Variants in RBFOX1 observed in about 807,000 individuals in gnomAD.
The protein encoded by RBFOX1 is RNA binding fox-1 homolog 1.
Under a neutral mutation model 57.7 loss-of-function variants are expected in RBFOX1, and 8 were observed. The ratio of observed to expected loss-of-function variants is 0.14; its 90% confidence interval spans 0.08 to 0.25. The LOEUF (loss-of-function observed/expected upper bound fraction) is 0.25. Among genes scored for constraint, RBFOX1 ranks in the 10% least tolerant of loss-of-function variants. The pLI is 1.00. For synonymous variants in RBFOX1, 326 were observed against 222.4 expected, an observed-to-expected ratio of 1.47 and a Z score of -4.15; for missense variants, 611 against 548.5, an observed-to-expected ratio of 1.11 and a Z score of -1.14.
At chr16:6,723,021 A>T (rs17730813) in intron 3 of RBFOX1, among the ~76,000 whole-genome samples, 1 of 152,014 alleles carries the variant, frequency 6.6e-6, no homozygotes, top group African/African-American at 2.4e-5. Flanking sequence ...CCCATCAGAG[A>T]TAAGTGGAAA....
At chr16:6,234,167 T>A (rs1296139597) in intron 1 of RBFOX1, among the ~76,000 whole-genome samples, 9 of 152,186 alleles carry the variant, frequency 5.9e-5, no homozygotes, top group Admixed American at 3.9e-4. Flanking sequence ...CTTTTCACCA[T>A]CACAGTGGCA....
At chr16:5,848,855 A>C (rs574898432) in intron 3 of RBFOX1, among the ~76,000 whole-genome samples, 1 of 152,174 alleles carries the variant, frequency 6.6e-6, no homozygotes, top group South Asian at 2.1e-4. Flanking sequence ...AGGCTGAGGC[A>C]GGAGAATCAC....
At chr16:5,281,113 T>C (rs1472534882) in intron 1 of RBFOX1, among the ~76,000 whole-genome samples, 2 of 152,156 alleles carry the variant, frequency 1.3e-5, no homozygotes, top group African/African-American at 4.8e-5. Flanking sequence ...CTGTGTGCCA[T>C]AGGTTTTGCA....
chr16:6,764,364 C>G (rs1332343713), intron 3 of RBFOX1, among the ~76,000 whole-genome samples: 1 of 152,126 alleles, frequency 6.6e-6, no homozygotes, highest in Non-Finnish European at 1.5e-5. Flanking sequence ...TATTTTCAGT[C>G]CTTATGGTAG....
chr16:6,132,903 C>A (rs144489560), intron 1 of RBFOX1, among the ~76,000 whole-genome samples: 1 of 149,108 alleles, frequency 6.7e-6, no homozygotes, highest in African/African-American at 2.5e-5. Flanking sequence ...AGGCAGAGGT[C>A]GCAGTGAGCC....
chr16:6,537,456 TAGAC>T (rs1274864071), intron 2 of RBFOX1, among the ~76,000 whole-genome samples: 2 of 152,200 alleles, frequency 1.3e-5, no homozygotes, highest in African/African-American at 4.8e-5. Flanking sequence ...ACAGTATAGA[TAGAC>T]ACAGTGCTTA....
chr16:7,423,174 A>G (rs914226974), intron 4 of RBFOX1: 1 of 152,046 alleles, frequency 6.6e-6, no homozygotes, highest in Non-Finnish European at 1.5e-5. Context: ...GCTGTATTTT[A>G]ATCATAGACT....
chr16:5,622,914 A>G (rs561922477), intron 3 of RBFOX1, among the ~76,000 whole-genome samples: 27 of 152,072 alleles, frequency 1.8e-4, no homozygotes, highest in African/African-American at 5.8e-4. Flanking sequence ...CAGTATAACA[A>G]CTCTTTACAT....
chr16:5,619,252 G>C (rs1182569432), intron 3 of RBFOX1, among the ~76,000 whole-genome samples: 1 of 152,112 alleles, frequency 6.6e-6, no homozygotes, highest in East Asian at 1.9e-4. Context: ...TGACAGACAG[G>C]CCTCCCGGGC....
rs181326705 is a variant in RBFOX1 at position 6,670,843 on chromosome 16, A to G, written c.-16+16193A>G. Among the ~76,000 whole-genome samples, 824 of 151,640 alleles carry G rather than the reference A, an allele frequency of 5.4e-3. 3 individuals carry two copies. Among genetic ancestry groups the G allele is most frequent in the Non-Finnish European group, 7.7e-3 (523 of 67,860 alleles). ...AAACCCTGTCTCTACTAAAAATGCA[A>G]AAAAAAATTAGCCGGGCATGGTGGC... is the stretch of plus-strand genomic sequence containing the variant. On this transcript the variant is annotated intron_variant, in intron 3 of 15. Transcript: ENST00000550418.
At chr16:7,640,442 A>T (rs2062585157) in intron 11 of RBFOX1, among the ~76,000 whole-genome samples, 1 of 152,224 alleles carries the variant, frequency 6.6e-6, no homozygotes, top group African/African-American at 2.4e-5. Context: ...CTACCATCCC[A>T]TGGTGTGCCC....
intron 3 of RBFOX1, among the ~76,000 whole-genome samples, chr16:6,826,050 G>T (rs1370146831): frequency 6.6e-6 from 1 of 151,946 alleles, no homozygotes; most frequent in Non-Finnish European, 1.5e-5. Flanking sequence ...GGTGGTCCAC[G>T]TTCATTGCCC....
At chr16:6,208,535 C>G (rs1333126487) in intron 1 of RBFOX1, among the ~76,000 whole-genome samples, 1 of 152,156 alleles carries the variant, frequency 6.6e-6, no homozygotes, top group African/African-American at 2.4e-5. Flanking sequence ...AACAGGGACT[C>G]TTACAGACAC....
Position 6,816,882 on chromosome 16 carries a change from C to G in RBFOX1, c.-16+162232C>G, listed in dbSNP as rs182565446. On this transcript the variant is annotated intron_variant, in intron 3 of 15. Coordinates refer to ENST00000550418, the MANE Select transcript of RBFOX1 (RefSeq NM_018723.4). ...ACTTCACCCTCCCAAGTAGTTGGGA[C>G]TAAAGGTAAATACCACCATGCCTAG... Among the ~76,000 whole-genome samples, 8 of 152,180 alleles carry G rather than the reference C, an allele frequency of 5.3e-5. No individual in the cohort carries two copies. The East Asian group carries it at 1.5e-3, about 29-fold the overall frequency.
intron 4 of RBFOX1, among the ~76,000 whole-genome samples, chr16:5,938,986 C>T (rs556952691): frequency 1.2e-4 from 18 of 152,178 alleles, no homozygotes; most frequent in East Asian, 1.9e-4. Flanking sequence ...AGCAAACTAT[C>T]GCAAGGACAA....
chr16:7,646,048 C>T (rs1022696732), intron 11 of RBFOX1, among the ~76,000 whole-genome samples: 8 of 151,330 alleles, frequency 5.3e-5, no homozygotes, highest in African/African-American at 9.8e-5. Flanking sequence ...TTAATAAGTG[C>T]CATCATGTTA....
At chr16:6,816,728 A>C (rs999652451) in intron 3 of RBFOX1, among the ~76,000 whole-genome samples, 3 of 104,038 alleles carry the variant, frequency 2.9e-5, no homozygotes, top group Non-Finnish European at 6.6e-5. Context: ...TGACAGAGCA[A>C]GACTGTCTCA....
intron 3 of RBFOX1, among the ~76,000 whole-genome samples, chr16:5,656,894 G>A (rs186486844): frequency 9.5e-4 from 145 of 152,242 alleles, no homozygotes; most frequent in Admixed American, 8.8e-3. Context: ...AGAAAATATG[G>A]ACACAGGGAG....
intron 1 of RBFOX1, among the ~76,000 whole-genome samples, chr16:6,261,381 C>T (rs8045543): frequency 2.0e-5 from 3 of 152,198 alleles, no homozygotes; most frequent in African/African-American, 7.2e-5. Flanking sequence ...CAAAATAGTA[C>T]GTCAAAGCAA....
Sources: gnomAD v4.1 joint callset for allele counts (sites outside exome capture counted in the v4.1 genomes callset) on GRCh38, gnomAD v4.1.1 for gene constraint, MANE v1.5 for transcripts, NCBI Gene and HGNC (gene_info 2026-07-23, HGNC 2026-07-21) for gene names.